The following SEMA5A variants were observed in gnomAD, a reference collection of about 807,000 sequenced individuals.
SEMA5A encodes semaphorin-5A.
In SEMA5A, 55 loss-of-function variants were observed where a neutral mutation model predicts 135.5. That is an observed-to-expected ratio of 0.41 (90% confidence interval 0.33 to 0.51). SEMA5A has a LOEUF of 0.51. SEMA5A is among the 20% of genes least tolerant of loss of function. SEMA5A has a pLI of 0.37. For missense variants in SEMA5A, 1,290 were observed against 1,419.9 expected (o/e 0.91, Z 1.47); for synonymous variants, 580 against 546.5 (o/e 1.06, Z -0.85).
chr5:9,190,095 A>G lies in SEMA5A; in HGVS notation c.1273+172T>C, dbSNP rs1806133. On this transcript the variant is annotated intron_variant, in intron 11 of 22. Transcript: ENST00000382496. ...ATAGTGAAAATAGATTGAGATTTCC[A>G]AAAAGAGGGACAGAGGCTGAGGAAG... Among the ~76,000 whole-genome samples the G allele has an allele frequency of 4.3e-3, 654 of 152,358 alleles. 5 individuals carry two copies. Among genetic ancestry groups the G allele is most frequent in the Non-Finnish European group, 7.1e-3 (483 of 68,030 alleles).
rs1485362046 is a variant in SEMA5A, at chr5:9,108,139, C to T, written c.2073+1G>A. 2 of 1,613,576 alleles carry T rather than the reference C, an allele frequency of 1.2e-6. No homozygotes were observed. The highest frequency in any genetic ancestry group is 1.7e-6 in the Non-Finnish European group (2 of 1,179,676). ...CTGGGTGTGAGAAGAAGGCTACTCA[C>T]CACATTGCAGCCTGCACAGTCAGGC... On this transcript the variant is annotated splice_donor_variant, in intron 16 of 22. Transcript: ENST00000382496. LOFTEE classifies it high-confidence loss of function.
At chr5:9,224,375 G>A (rs1480655028) in intron 8 of SEMA5A, among the ~76,000 whole-genome samples, 1 of 145,788 alleles carries the variant, frequency 6.9e-6, no homozygotes, top group Non-Finnish European at 1.5e-5. Flanking sequence ...ATGACAAGCT[G>A]TCAAATTTTC....
At chr5:9,266,220 G>A (rs1191933636) in intron 5 of SEMA5A, among the ~76,000 whole-genome samples, 1 of 152,166 alleles carries the variant, frequency 6.6e-6, no homozygotes, top group Admixed American at 6.5e-5. Flanking sequence ...ATGGTTCTGT[G>A]TTTTAGTTTG....
chr5:9,206,457 C>T (rs182697525), intron 8 of SEMA5A, among the ~76,000 whole-genome samples: 3 of 151,466 alleles, frequency 2.0e-5, no homozygotes, highest in South Asian at 2.1e-4. Context: ...ACAAGTGATG[C>T]GAAGAAAAAC....
chr5:9,376,489 T>C (rs1389050708), intron 3 of SEMA5A, among the ~76,000 whole-genome samples: 2 of 152,200 alleles, frequency 1.3e-5, no homozygotes, highest in African/African-American at 2.4e-5. Flanking sequence ...GCCCAGGATG[T>C]GGGCTTAGAG....
At chr5:9,224,549 C>T (rs374196688) in intron 8 of SEMA5A, 125 bp downstream of exon 8, 5 of 836,182 alleles carry the variant, frequency 6.0e-6, no homozygotes, top group African/African-American at 5.1e-5. Context: ...ACAAGCGACA[C>T]TTTGATTTCT....
chr5:9,494,642 C>T (rs944018446), intron 1 of SEMA5A, among the ~76,000 whole-genome samples: 1 of 145,106 alleles, frequency 6.9e-6, no homozygotes, highest in Non-Finnish European at 1.5e-5. Flanking sequence ...TTGTACAGCA[C>T]TTTAGAATTT....
chr5:9,128,044 G>A (rs992227929), intron 13 of SEMA5A, among the ~76,000 whole-genome samples: 3 of 152,180 alleles, frequency 2.0e-5, no homozygotes, highest in Admixed American at 1.3e-4. Flanking sequence ...TTCCAAAGAG[G>A]CTAAGGTAGG....
chr5:9,282,380 A>T (rs1435634425), intron 5 of SEMA5A, among the ~76,000 whole-genome samples: 1 of 152,304 alleles, frequency 6.6e-6, no homozygotes, highest in East Asian at 1.9e-4. Flanking sequence ...TATGGGCCAC[A>T]TATTTGTCTC....
At chr5:9,108,425 G>A in intron 15 of SEMA5A, 138 bp from the exon 16 acceptor site, 1 of 933,758 alleles carries the variant, frequency 1.1e-6, no homozygotes, top group Non-Finnish European at 1.6e-6. Context: ...ATTTTGAGCA[G>A]TTGCACCATA....
intron 1 of SEMA5A, among the ~76,000 whole-genome samples, chr5:9,496,523 T>C (rs1420359592): frequency 1.3e-5 from 2 of 152,060 alleles, no homozygotes; most frequent in Non-Finnish European, 2.9e-5. Flanking sequence ...TGAACTGTAA[T>C]GAAGCAGCTA....
chr5:9,537,597 C>G (rs1422025153), intron 1 of SEMA5A, among the ~76,000 whole-genome samples: 1 of 152,148 alleles, frequency 6.6e-6, no homozygotes, highest in Admixed American at 6.5e-5. Context: ...AATAGAAAAA[C>G]ATGGTCGTTC....
intron 8 of SEMA5A, among the ~76,000 whole-genome samples, chr5:9,223,781 A>G (rs1747140553): frequency 6.6e-6 from 1 of 152,152 alleles, no homozygotes; most frequent in Non-Finnish European, 1.5e-5. Flanking sequence ...GTGAGACCAC[A>G]CTCACACATG....
At chr5:9,467,533 G>C (rs941501440) in intron 1 of SEMA5A, among the ~76,000 whole-genome samples, 1 of 152,186 alleles carries the variant, frequency 6.6e-6, no homozygotes, top group Admixed American at 6.5e-5. Context: ...ACTTCTGTTT[G>C]TCCATGCCAT....
intron 5 of SEMA5A, among the ~76,000 whole-genome samples, chr5:9,294,945 C>G (rs1333528555): frequency 6.6e-6 from 1 of 152,166 alleles, no homozygotes; most frequent in African/African-American, 2.4e-5. Context: ...GTAATCCTCA[C>G]CATCACTCAA....
chr5:9,162,104 T>C (rs1007359578), intron 11 of SEMA5A, among the ~76,000 whole-genome samples: 1 of 152,222 alleles, frequency 6.6e-6, no homozygotes, highest in Non-Finnish European at 1.5e-5. Flanking sequence ...TATTTCTGTT[T>C]TTCATCTGTT....
chr5:9,222,485 G>A (rs1376543250), intron 8 of SEMA5A, among the ~76,000 whole-genome samples: 2 of 152,118 alleles, frequency 1.3e-5, no homozygotes, highest in Non-Finnish European at 2.9e-5. Flanking sequence ...GGAGTGTGGG[G>A]GAGGGCGGTG....
At position 9,202,367 on chromosome 5, in the gene SEMA5A, A is replaced by G. The variant is rs1372543783; in HGVS notation, c.647-127T>C. 3 of 892,608 alleles carry G rather than the reference A, an allele frequency of 3.4e-6. No individual in the cohort carries two copies. In the African/African-American group the frequency reaches 5.1e-5, roughly 15 times the overall value. 55.3% of individuals were successfully genotyped at this position (892,608 alleles called of 1,614,324 possible). A position where few individuals can be genotyped will look rare whatever the true frequency, so the allele number is the denominator to read the frequency against. ...GATAACACCTGGTTCCTATAGGACT[A>G]TTGGGAGGCCCCGTGAGCAGCTTAA... On this transcript the variant is annotated intron_variant, in intron 8 of 22. Coordinates refer to ENST00000382496, the MANE Select transcript of SEMA5A (RefSeq NM_003966.3).
chr5:9,229,754 G>T (rs978569987), intron 6 of SEMA5A, among the ~76,000 whole-genome samples: 3 of 150,774 alleles, frequency 2.0e-5, no homozygotes, highest in African/African-American at 7.3e-5. Context: ...GCAAGAGCTT[G>T]CCCCAAGGTA....
Sources: allele counts gnomAD v4.1 joint callset (sites outside exome capture counted in the v4.1 genomes callset), GRCh38; gene constraint gnomAD v4.1.1; transcripts MANE v1.5; gene names NCBI Gene and HGNC (gene_info 2026-07-23, HGNC 2026-07-21).